Variants in MACROH2A1 observed in about 807,000 individuals in gnomAD.
The protein encoded by MACROH2A1 is macroH2A.1 histone.
MACROH2A1 carries 2 observed loss-of-function variants against 31.6 expected under a neutral mutation model. That is an observed-to-expected ratio of 0.06 (90% CI 0.03 to 0.20). The LOEUF (loss-of-function observed/expected upper bound fraction) is 0.20. Among genes scored for constraint, MACROH2A1 ranks in the 10% least tolerant of loss-of-function variants. The probability of loss-of-function intolerance (pLI) is 1.00; values close to 1 mark genes in which losing one functional copy is unlikely to be tolerated. For synonymous variants in MACROH2A1, 169 were observed against 189.6 expected (o/e 0.89, Z 0.89); for missense variants, 230 against 474.0 (o/e 0.49, Z 4.78).
chr5:135,355,238 T>C (rs769816349), intron 5 of MACROH2A1: 1 of 455,934 alleles, frequency 2.2e-6, no homozygotes, highest in Non-Finnish European at 4.4e-6. Context: ...AAGGGAGCAG[T>C]TGCGAACAGA....
intron 8 of MACROH2A1, among the ~76,000 whole-genome samples, chr5:135,340,128 A>C (rs964639783): frequency 6.6e-6 from 1 of 152,114 alleles, no homozygotes; most frequent in Non-Finnish European, 1.5e-5. Flanking sequence ...TGACCAATGG[A>C]GATGGGAGGC....
chr5:135,358,524 G>A, intron 5 of MACROH2A1: 1 of 985,214 alleles, frequency 1.0e-6, no homozygotes, highest in Non-Finnish European at 1.2e-6. Context: ...GGGAAAGAAG[G>A]CTAGGTGGTC....
intron 5 of MACROH2A1, chr5:135,359,827 T>C (rs903256013): frequency 1.5e-5 from 14 of 954,050 alleles, no homozygotes; most frequent in Admixed American, 6.2e-5. Context: ...TAAAGAAATA[T>C]TAGTTAACTC....
intron 2 of MACROH2A1, among the ~76,000 whole-genome samples, chr5:135,388,328 G>T (rs983108829): frequency 3.3e-5 from 5 of 152,082 alleles, no homozygotes; most frequent in Non-Finnish European, 7.3e-5. Context: ...CCAGTGACGG[G>T]ACAAACCACG....
intron 8 of MACROH2A1, among the ~76,000 whole-genome samples, chr5:135,341,243 G>C (rs1001907066): frequency 6.6e-6 from 1 of 152,226 alleles, no homozygotes; most frequent in Admixed American, 6.5e-5. Flanking sequence ...CCAGGGCAGA[G>C]AGGCTGATTC....
rs558709189 is a variant in MACROH2A1, at chr5:135,393,922, G to A, written c.-33-4796C>T. ...AACTTTTATAGAGGAGCTGGATGGA[G>A]AGATGAGTCAGGCTACAGTGAGAAG... On this transcript the variant is annotated intron_variant, in intron 1 of 8. Transcript: ENST00000511689. Among the ~76,000 whole-genome samples the A allele has an allele frequency of 2.0e-5, 3 of 152,330 alleles. No homozygotes were observed. The South Asian group carries it at 6.2e-4, about 32-fold the overall frequency.
intron 2 of MACROH2A1, among the ~76,000 whole-genome samples, chr5:135,374,916 G>C (rs1486119620): frequency 1.3e-5 from 2 of 152,182 alleles, no homozygotes; most frequent in Non-Finnish European, 2.9e-5. Flanking sequence ...CCCCTTACCA[G>C]GTTCTCCACC....
At chr5:135,375,653 G>A (rs1323080577) in intron 2 of MACROH2A1, among the ~76,000 whole-genome samples, 2 of 152,108 alleles carry the variant, frequency 1.3e-5, no homozygotes, top group Non-Finnish European at 2.9e-5. Flanking sequence ...GGGCTTTAAC[G>A]GAGCTGTCTG....
rs892593544 is a variant in MACROH2A1 at position 135,349,650 on chromosome 5, A to T, written c.688+3296T>A. Among the ~76,000 whole-genome samples, 5 of 152,084 alleles carry T rather than the reference A, an allele frequency of 3.3e-5. No individual in the cohort carries two copies. The East Asian group carries it at 9.6e-4, about 29-fold the overall frequency. ...ATCCAGGACGCTTGTGAAAATCCTG[A>T]TCTCCTCATCCTTCCAGATGACTTC... is the stretch of plus-strand genomic sequence containing the variant. On this transcript the variant is annotated intron_variant, in intron 6 of 8. Coordinates refer to ENST00000511689, the MANE Select transcript of MACROH2A1 (RefSeq NM_138610.3).
chr5:135,345,818 A>C (rs958620797), intron 7 of MACROH2A1, 150 bp downstream of exon 7: 1 of 586,794 alleles, frequency 1.7e-6, no homozygotes, highest in Non-Finnish European at 3.1e-6. Context: ...TGAAACTCTA[A>C]GATGTAAAGC....
rs1417362009 is a variant in MACROH2A1 at position 135,375,330 on chromosome 5, T to G, written c.173-5188A>C. On this transcript the variant is annotated intron_variant, in intron 2 of 8. Transcript: ENST00000511689. ...TTGAACATGACTGTTTTAAGGCCGC[T>G]TGACAAAATTCCCACATCCTTGGAT... 3.3e-5 allele frequency among the ~76,000 whole-genome samples: 5 copies of G among 152,342 alleles called. No individual in the cohort carries two copies. The East Asian group carries it at 9.7e-4, about 29-fold the overall frequency.
intron 1 of MACROH2A1, among the ~76,000 whole-genome samples, chr5:135,392,597 G>C (rs970223943): frequency 1.3e-5 from 2 of 152,180 alleles, no homozygotes; most frequent in African/African-American, 4.8e-5. Flanking sequence ...CCAACTCATA[G>C]TTGTGCAGTC....
chr5:135,369,253 C>T lies in MACROH2A1; in HGVS notation c.477+153G>A. 1 of 716,800 alleles carries T rather than the reference C, an allele frequency of 1.4e-6. No homozygotes were observed. Among genetic ancestry groups the T allele is most frequent in the Non-Finnish European group, 2.4e-6 (1 of 408,958 alleles). The allele number at this position is 716,800 out of a possible 1,614,324, so 44.4% of individuals were successfully genotyped here. ...ACTCTGGCTACTTGTGTTGGACTAG[C>T]CCCTCTGGAGAGTAATCAGCTCCTA... On this transcript the variant is annotated intron_variant, in intron 4 of 8. Coordinates refer to ENST00000511689, the MANE Select transcript of MACROH2A1 (RefSeq NM_138610.3). The surrounding 1 kb of genome is among the most constrained non-coding windows in gnomAD (Gnocchi z 4.3).
intron 8 of MACROH2A1, among the ~76,000 whole-genome samples, chr5:135,336,076 G>A (rs772361312): frequency 2.0e-5 from 3 of 152,254 alleles, no homozygotes; most frequent in Non-Finnish European, 2.9e-5. Context: ...AGATCCGCCT[G>A]AGCCTGTGGG....
At chr5:135,358,006 T>C (rs569124444) in intron 5 of MACROH2A1, 211 of 985,218 alleles carry the variant, frequency 2.1e-4, no homozygotes, top group Non-Finnish European at 2.4e-4. Context: ...ATGAGATTCA[T>C]AGGACACAGG....
intron 1 of MACROH2A1, among the ~76,000 whole-genome samples, chr5:135,397,659 G>T (rs192337677): frequency 2.4e-4 from 36 of 152,348 alleles, no homozygotes; most frequent in African/African-American, 8.4e-4. Flanking sequence ...TCATCAGAGA[G>T]TCTCTTGTGC....
At chr5:135,392,707 G>A (rs1394278083) in intron 1 of MACROH2A1, among the ~76,000 whole-genome samples, 1 of 152,204 alleles carries the variant, frequency 6.6e-6, no homozygotes, top group Non-Finnish European at 1.5e-5. Context: ...GGGGGAGAGT[G>A]ACTGTGAGGC....
intron 8 of MACROH2A1, among the ~76,000 whole-genome samples, chr5:135,339,897 C>T (rs911607833): frequency 1.3e-5 from 2 of 152,220 alleles, no homozygotes; most frequent in East Asian, 3.9e-4. Context: ...CCACTCCAGG[C>T]CCCCGGGCTT....
At chr5:135,392,551 C>A (rs995670837) in intron 1 of MACROH2A1, among the ~76,000 whole-genome samples, 1 of 152,184 alleles carries the variant, frequency 6.6e-6, no homozygotes, top group Non-Finnish European at 1.5e-5. Context: ...TGACATCCAG[C>A]AATGTGTGGT....
Sources: allele counts gnomAD v4.1 joint callset (sites outside exome capture counted in the v4.1 genomes callset), GRCh38; gene constraint gnomAD v4.1.1; non-coding constraint Gnocchi (gnomAD v3.1); transcripts MANE v1.5; gene names NCBI Gene and HGNC (gene_info 2026-07-23, HGNC 2026-07-21).